RPA3: variants seen among roughly 807,000 people sequenced by gnomAD.
RPA3 encodes the protein replication protein A 14 kDa subunit.
RPA3 carries 24 observed loss-of-function variants against 13.7 expected under a neutral mutation model. The ratio of observed to expected loss-of-function variants is 1.75; its 90% CI spans 1.27 to 2.46. The LOEUF (loss-of-function observed/expected upper bound fraction) is 2.46. Ranked by LOEUF, RPA3 falls within the 30% of genes most tolerant of loss-of-function variation. RPA3 has a pLI of 0.00. For missense variants in RPA3, 183 were observed against 151.0 expected (o/e 1.21, Z -1.11); for synonymous variants, 59 against 51.2 (o/e 1.15, Z -0.65).
chr7:7,716,803 G>A (rs1310593428), intron 1 of RPA3, among the ~76,000 whole-genome samples: 3 of 152,128 alleles, frequency 2.0e-5, no homozygotes, highest in East Asian at 1.9e-4. Context: ...AAAATTAGGC[G>A]GGCATGGTGG....
intron 2 of RPA3, among the ~76,000 whole-genome samples, chr7:7,688,038 T>C (rs924022784): frequency 2.0e-5 from 3 of 152,184 alleles, no homozygotes; most frequent in Non-Finnish European, 4.4e-5. Context: ...TCCCTGTTGC[T>C]GTTGCTATGT....
chr7:7,696,498 A>G (rs1411681501), intron 2 of RPA3, among the ~76,000 whole-genome samples: 3 of 152,194 alleles, frequency 2.0e-5, no homozygotes, highest in African/African-American at 7.2e-5. Context: ...AACCTGTTAT[A>G]TGAATTTAGT....
rs1780030529 is a variant in RPA3 at position 7,685,821 on chromosome 7, T to C, written c.-758+9A>G. ...CCTTCATTATATCATGATAGAATTA[T>C]GGTCTTACCTTGGAAGAATAGTATC... On this transcript the variant is annotated intron_variant, in intron 4 of 7. Transcript: ENST00000223129. 1 of 152,254 alleles carries C rather than the reference T, an allele frequency of 6.6e-6. No individual in the cohort carries two copies. The highest frequency in any genetic ancestry group is 2.1e-4 in the South Asian group (1 of 4,834). 9.4% of individuals were successfully genotyped at this position (152,254 alleles called of 1,614,324 possible).
intron 4 of RPA3, among the ~76,000 whole-genome samples, chr7:7,650,114 AG>A (rs796125702): frequency 3.9e-5 from 6 of 152,360 alleles, no homozygotes; most frequent in African/African-American, 1.4e-4. Flanking sequence ...GGGTCAAGAC[AG>A]AACCTGTAAT....
At chr7:7,697,781 G>T (rs555125086) in intron 2 of RPA3, among the ~76,000 whole-genome samples, 1 of 152,170 alleles carries the variant, frequency 6.6e-6, no homozygotes, top group East Asian at 1.9e-4. Context: ...TTGTCATTAT[G>T]CCTCTTTTCA....
intron 4 of RPA3, among the ~76,000 whole-genome samples, chr7:7,675,721 A>G (rs907497958): frequency 6.6e-6 from 1 of 152,304 alleles, no homozygotes; most frequent in Admixed American, 6.5e-5. Context: ...CGTACCCAGC[A>G]CCATATGTCT....
chr7:7,670,654 A>G (rs540132233), intron 4 of RPA3, among the ~76,000 whole-genome samples: 2 of 152,340 alleles, frequency 1.3e-5, no homozygotes, highest in African/African-American at 4.8e-5. Flanking sequence ...CTGATACACA[A>G]GAGTCTGTTC....
At chr7:7,697,997 C>T (rs1240872455) in intron 2 of RPA3, among the ~76,000 whole-genome samples, 2 of 152,166 alleles carry the variant, frequency 1.3e-5, no homozygotes, top group African/African-American at 4.8e-5. Flanking sequence ...GCTGACCCCA[C>T]TACTCATTTG....
intron 2 of RPA3, among the ~76,000 whole-genome samples, chr7:7,696,405 C>A (rs966330981): frequency 6.6e-6 from 1 of 151,972 alleles, no homozygotes; most frequent in African/African-American, 2.4e-5. Flanking sequence ...GTATAAAATT[C>A]TAATTTTCTA....
intron 4 of RPA3, among the ~76,000 whole-genome samples, chr7:7,681,572 C>T (rs548310202): frequency 3.3e-5 from 5 of 152,104 alleles, no homozygotes; most frequent in Non-Finnish European, 7.4e-5. Flanking sequence ...TTCCTATTCA[C>T]GTAAGAAGGT....
chr7:7,646,429 A>G (rs944262976), intron 4 of RPA3, among the ~76,000 whole-genome samples: 3 of 151,088 alleles, frequency 2.0e-5, no homozygotes, highest in Non-Finnish European at 2.9e-5. Flanking sequence ...GTGGTAGTGA[A>G]TAAGTCTCAC....
chr7:7,641,278 G>C (rs1219699948), intron 4 of RPA3, 103 bp from the exon 5 acceptor site: 1 of 152,208 alleles, frequency 6.6e-6, no homozygotes, highest in Non-Finnish European at 1.5e-5. Flanking sequence ...ACCCCTCCGT[G>C]TTGGCAGCCA....
intron 4 of RPA3, among the ~76,000 whole-genome samples, chr7:7,644,176 A>G (rs1785041567): frequency 6.6e-6 from 1 of 152,116 alleles, no homozygotes; most frequent in African/African-American, 2.4e-5. Context: ...GCACTCCCTG[A>G]TTACTGAAAA....
intron 4 of RPA3, among the ~76,000 whole-genome samples, chr7:7,665,810 C>T (rs1779435137): frequency 6.6e-6 from 1 of 150,584 alleles, no homozygotes. Flanking sequence ...TATTGTCTGG[C>T]TTCTTTCCAT....
At position 7,644,365 on chromosome 7, in the gene RPA3, T is replaced by A. The variant is rs749302572; in HGVS notation, c.-757-3190A>T. Among the ~76,000 whole-genome samples the A allele has an allele frequency of 1.6e-4, 24 of 152,064 alleles. No individual in the cohort carries two copies. The East Asian group carries it at 2.1e-3, about 13-fold the overall frequency. ...TCCTTCATTCCATCCTTTTTTTTTT[T>A]TTATTAGGAAGACCTCTTTTAATAT... On this transcript the variant is annotated intron_variant, in intron 4 of 7. Transcript: ENST00000223129.
At chr7:7,667,430 G>C (rs545277222) in intron 4 of RPA3, among the ~76,000 whole-genome samples, 2 of 152,240 alleles carry the variant, frequency 1.3e-5, no homozygotes, top group Admixed American at 1.3e-4. Flanking sequence ...TAGGCTTGGG[G>C]CAGCAGGATT....
intron 4 of RPA3, among the ~76,000 whole-genome samples, chr7:7,674,169 C>A (rs1325135466): frequency 6.6e-6 from 1 of 152,144 alleles, no homozygotes; most frequent in African/African-American, 2.4e-5. Context: ...CATGCTGGAC[C>A]TCCTCCCACC....
chr7:7,670,498 C>T (rs771024757), intron 4 of RPA3, among the ~76,000 whole-genome samples: 8 of 152,158 alleles, frequency 5.3e-5, no homozygotes, highest in Non-Finnish European at 7.4e-5. Flanking sequence ...ACAGCCCTAA[C>T]GATTCGGTGG....
At chr7:7,708,907 G>GTGTGTT (rs1297453041) in intron 2 of RPA3, among the ~76,000 whole-genome samples, 1 of 151,960 alleles carries the variant, frequency 6.6e-6, no homozygotes, top group Non-Finnish European at 1.5e-5. Context: ...AGCAAGGGGT[G>GTGTGTT]TGTGTTTGTG....
Sources: allele counts gnomAD v4.1 joint callset (sites outside exome capture counted in the v4.1 genomes callset), GRCh38; gene constraint gnomAD v4.1.1; transcripts MANE v1.5; gene names NCBI Gene and HGNC (gene_info 2026-07-23, HGNC 2026-07-21).